The following FRAS1 variants were observed in gnomAD, a reference collection of about 807,000 sequenced individuals.
FRAS1 encodes the protein extracellular matrix organizing protein FRAS1.
FRAS1 carries 290 observed loss-of-function variants against 435.2 expected under a neutral mutation model. The observed-to-expected ratio is 0.67, with a 90% CI of 0.61 to 0.73. The LOEUF (loss-of-function observed/expected upper bound fraction) is 0.73. FRAS1 is among the 30% of genes least tolerant of loss of function. FRAS1 has a pLI of 0.00. For synonymous variants in FRAS1, 1,800 were observed against 1,851.0 expected (o/e 0.97, Z 0.71); for missense variants, 4,860 against 5,001.5 (o/e 0.97, Z 0.85).
At chr4:78,113,979 T>C (rs1206409531) in intron 2 of FRAS1, among the ~76,000 whole-genome samples, 1 of 152,218 alleles carries the variant, frequency 6.6e-6, no homozygotes, top group Non-Finnish European at 1.5e-5. Flanking sequence ...ATGTAAGTCT[T>C]TAATCCATCT....
chr4:78,168,742 G>C lies in FRAS1; in HGVS notation c.109-68768G>C, dbSNP rs913971000. Among the ~76,000 whole-genome samples the C allele has an allele frequency of 2.6e-5, 4 of 152,194 alleles. No individual in the cohort carries two copies. The South Asian group carries it at 8.3e-4, about 32-fold the overall frequency. ...TAGAGAAGAAAAATTAAAAGATGGTGGATGGGAGTAGCTTCTAAACATTCT... is the reference window on the plus strand; with the variant it reads ...TAGAGAAGAAAAATTAAAAGATGGTCGATGGGAGTAGCTTCTAAACATTCT... On this transcript the variant is annotated intron_variant, in intron 2 of 73. Transcript: ENST00000512123.
At position 78,387,489 on chromosome 4, in the gene FRAS1, G is replaced by A; in HGVS notation, c.3763G>A (p.Glu1255Lys). Reference protein sequence around the residue: ...DDDNPQDVVIEIIDPPLHGQL... With the variant: ...DDDNPQDVVIKIIDPPLHGQL... ...TGACAACCCACAGGATGTGGTCATT[G>A]AAATAATCGATCCTCCACTTCATGG... The change falls in exon 29 of 74, where the codon GAA becomes AAA. Residue 1255 changes from glutamate (E) to lysine (K), a missense_variant. Transcript: ENST00000512123. 1 of 1,613,484 alleles carries A rather than the reference G, an allele frequency of 6.2e-7. No homozygotes were observed. The highest frequency in any genetic ancestry group is 8.5e-7 in the Non-Finnish European group (1 of 1,179,786).
intron 27 of FRAS1, among the ~76,000 whole-genome samples, chr4:78,382,336 T>G (rs1732053406): frequency 6.6e-6 from 1 of 152,016 alleles, no homozygotes; most frequent in African/African-American, 2.4e-5. Flanking sequence ...TTATTTATAA[T>G]GCTGTATTTT....
chr4:78,307,705 T>G (rs538121067), intron 14 of FRAS1, among the ~76,000 whole-genome samples: 61 of 152,236 alleles, frequency 4.0e-4, no homozygotes, highest in Non-Finnish European at 8.4e-4. Flanking sequence ...TGCCTCGCCC[T>G]GCTTCGGCTG....
intron 16 of FRAS1, among the ~76,000 whole-genome samples, 159 bp from the exon 17 acceptor site, chr4:78,317,204 GTGGGC>G: frequency 6.6e-6 from 1 of 152,234 alleles, no homozygotes; most frequent in African/African-American, 2.4e-5. Flanking sequence ...AAACGGCCAT[GTGGGC>G]AGTTCTGGCA....
At chr4:78,058,672 G>A (rs1739592147) in intron 1 of FRAS1, among the ~76,000 whole-genome samples, 2 of 152,118 alleles carry the variant, frequency 1.3e-5, no homozygotes, top group African/African-American at 4.8e-5. Context: ...CTGCTTCCCA[G>A]AACAAAAGTG....
chr4:78,393,717 G>C (rs1396721014), intron 29 of FRAS1, among the ~76,000 whole-genome samples: 1 of 152,050 alleles, frequency 6.6e-6, no homozygotes, highest in Non-Finnish European at 1.5e-5. Context: ...ATACTACAAT[G>C]AACGTGGAAG....
chr4:78,474,099 C>T (rs1719792559), intron 53 of FRAS1, among the ~76,000 whole-genome samples: 1 of 152,196 alleles, frequency 6.6e-6, no homozygotes, highest in African/African-American at 2.4e-5. Flanking sequence ...CTTCACCTTC[C>T]ATCTGTATTC....
At chr4:78,354,523 A>G (rs1359328138) in intron 20 of FRAS1, among the ~76,000 whole-genome samples, 3 of 152,152 alleles carry the variant, frequency 2.0e-5, no homozygotes, top group Non-Finnish European at 4.4e-5. Context: ...GATTCCTGCC[A>G]TACTTATCTC....
chr4:78,241,792 T>C (rs1262953816), intron 3 of FRAS1, among the ~76,000 whole-genome samples: 1 of 152,110 alleles, frequency 6.6e-6, no homozygotes, highest in South Asian at 2.1e-4. Context: ...CTGTGTGAAA[T>C]AGAGATGAAA....
intron 18 of FRAS1, among the ~76,000 whole-genome samples, chr4:78,327,490 G>C (rs564772879): frequency 1.4e-3 from 208 of 152,288 alleles, no homozygotes; most frequent in African/African-American, 4.7e-3. Context: ...ATGGAAAATA[G>C]AATGAATAAA....
chr4:78,492,836 A>C (rs1720401455), intron 59 of FRAS1, among the ~76,000 whole-genome samples: 1 of 152,248 alleles, frequency 6.6e-6, no homozygotes, highest in African/African-American at 2.4e-5. Flanking sequence ...GAGCTTCTGC[A>C]CAGCAAAAGA....
At chr4:78,509,254 G>C (rs1408992046) in intron 63 of FRAS1, among the ~76,000 whole-genome samples, 1 of 152,136 alleles carries the variant, frequency 6.6e-6, no homozygotes, top group Non-Finnish European at 1.5e-5. Flanking sequence ...AATGTTAAGA[G>C]GTTACTTAAT....
At chr4:78,089,692 T>C (rs930744334) in intron 2 of FRAS1, among the ~76,000 whole-genome samples, 13 of 152,156 alleles carry the variant, frequency 8.5e-5, no homozygotes, top group African/African-American at 2.9e-4. Context: ...TTTAAAGGAA[T>C]AGAAATAAAT....
In FRAS1 at chr4:78,438,647, A is replaced by T. The variant is rs1734523613; in HGVS notation, c.5295A>T (p.Ser1765=). 1 of 1,613,452 alleles carries T rather than the reference A, an allele frequency of 6.2e-7. No homozygotes were observed. Among genetic ancestry groups the T allele is most frequent in the African/African-American group, 1.3e-5 (1 of 75,058 alleles). ...CATATGGTACTCTCTTAAGAATCTC[A>T]GGATCTGAGGTGGAAGAGCTCTCAG... is the stretch of plus-strand genomic sequence containing the variant. ...LPSYGTLLRI[S]GSEVEELSEV... The change falls in exon 39 of 74, where the codon TCA becomes TCT. Residue 1765 remains serine (S), a synonymous_variant. Transcript: ENST00000512123.
At chr4:78,305,412 A>G (rs1388616437) in intron 14 of FRAS1, among the ~76,000 whole-genome samples, 2 of 150,110 alleles carry the variant, frequency 1.3e-5, no homozygotes, top group Admixed American at 6.6e-5. Flanking sequence ...ATTCCTGGGT[A>G]TCCTTGTTGA....
intron 67 of FRAS1, 125 bp downstream of exon 67, chr4:78,519,606 G>T: frequency 9.0e-7 from 1 of 1,107,394 alleles, no homozygotes; most frequent in South Asian, 1.4e-5. Flanking sequence ...ACAAAGTGGG[G>T]CCACCTCAAA....
At chr4:78,456,138 C>CTTTTTTTTT (rs753676442) in intron 47 of FRAS1, among the ~76,000 whole-genome samples, 32 of 51,458 alleles carry the variant, frequency 6.2e-4, no homozygotes, top group African/African-American at 1.6e-3. Flanking sequence ...ACACATGTCA[C>CTTTTTTTTT]TTTTTTTTTT....
chr4:78,251,068 T>A (rs1461229401), intron 4 of FRAS1, among the ~76,000 whole-genome samples: 1 of 152,230 alleles, frequency 6.6e-6, no homozygotes, highest in Non-Finnish European at 1.5e-5. Flanking sequence ...GATTTAAAAA[T>A]TTTAACTCAT....
Sources: gnomAD v4.1 joint callset for allele counts (sites outside exome capture counted in the v4.1 genomes callset) on GRCh38, gnomAD v4.1.1 for gene constraint, MANE v1.5 for transcripts, NCBI Gene and HGNC (gene_info 2026-07-23, HGNC 2026-07-21) for gene names.